The following RANBP2 variants were observed in gnomAD, a reference collection of about 807,000 sequenced individuals.
RANBP2 encodes RAN binding protein 2, also known as E3 SUMO-protein ligase RanBP2.
A neutral mutation model predicts 303.6 loss-of-function variants in RANBP2; 57 were observed. The ratio of observed to expected loss-of-function variants is 0.19; its 90% CI spans 0.15 to 0.23. The LOEUF (loss-of-function observed/expected upper bound fraction) is 0.23, where lower values mean the gene tolerates loss of function less well. RANBP2 is among the 10% of genes least tolerant of loss of function. RANBP2 has a pLI of 1.00. For missense variants in RANBP2, 3,138 were observed against 3,780.8 expected (o/e 0.83, Z 4.46); for synonymous variants, 1,167 against 1,301.5 (o/e 0.90, Z 2.23).
rs1455634297 is a variant in RANBP2 at position 108,766,329 on chromosome 2, G to A, written c.5790G>A (p.Gln1930=). 1.2e-6 allele frequency: 2 copies of A among 1,611,902 alleles called. No homozygotes were observed. Among genetic ancestry groups the A allele is most frequent in the Non-Finnish European group, 1.7e-6 (2 of 1,179,868 alleles). The change falls in exon 20 of 29, where the codon CAG becomes CAA. Residue 1930 remains glutamine, a synonymous_variant. Coordinates refer to ENST00000283195, the MANE Select transcript of RANBP2 (RefSeq NM_006267.5). ...TCCAGGCTCAGGATATTAGTGGCCA[G>A]AAGAATGGCCGTGGTGTGATTTTTG... is the stretch of plus-strand genomic sequence containing the variant. ...TGFQAQDISG[Q]KNGRGVIFGQ...
chr2:109,107,966 C>A, the RANBP2 span, among the ~76,000 whole-genome samples: 1 of 152,122 alleles, frequency 6.6e-6, no homozygotes, highest in African/African-American at 2.4e-5. Flanking sequence ...AGTGCAGTGG[C>A]ATGACCTCCG....
At chr2:108,759,766 T>C (rs1008803809) in intron 18 of RANBP2, among the ~76,000 whole-genome samples, 4 of 152,220 alleles carry the variant, frequency 2.6e-5, no homozygotes, top group African/African-American at 9.6e-5. Context: ...ACAAACCGGC[T>C]AGCCTTTCCT....
the RANBP2 span, among the ~76,000 whole-genome samples, chr2:109,342,007 C>T: frequency 6.6e-6 from 1 of 152,228 alleles, no homozygotes; most frequent in African/African-American, 2.4e-5. Flanking sequence ...GGTGTGTATA[C>T]AATTAGGGTC....
chr2:108,929,976 A>G, the RANBP2 span: 5 of 1,006,760 alleles, frequency 5.0e-6, no homozygotes, highest in Non-Finnish European at 5.7e-6. Flanking sequence ...CTTGCCATCA[A>G]TCTCAACGTC....
chr2:108,831,129 C>G, the RANBP2 span, among the ~76,000 whole-genome samples: 1 of 151,732 alleles, frequency 6.6e-6, no homozygotes, highest in Non-Finnish European at 1.5e-5. Flanking sequence ...GAGCCAAGAT[C>G]ATGCTGCTTA....
the RANBP2 span, chr2:108,856,830 T>C: frequency 1.9e-6 from 3 of 1,613,280 alleles, no homozygotes; most frequent in Admixed American, 1.7e-5. Flanking sequence ...TCTCTTTGTT[T>C]GGACTTGAAG....
the RANBP2 span, among the ~76,000 whole-genome samples, chr2:109,489,328 C>T: frequency 3.3e-5 from 5 of 152,204 alleles, no homozygotes; most frequent in African/African-American, 9.6e-5. Context: ...GCCACAGGCC[C>T]CCAGACCCTG....
the RANBP2 span, among the ~76,000 whole-genome samples, chr2:109,259,844 GT>G: frequency 2.6e-5 from 4 of 152,172 alleles, no homozygotes; most frequent in African/African-American, 7.2e-5. Flanking sequence ...AGCATCTGGT[GT>G]TTGGACAGCC....
the RANBP2 span, among the ~76,000 whole-genome samples, chr2:109,301,749 GC>G: frequency 1.3e-5 from 2 of 152,188 alleles, no homozygotes; most frequent in African/African-American, 4.8e-5. Flanking sequence ...TGCTAAGCTG[GC>G]CTTGCACTTT....
chr2:108,841,580 T>C, the RANBP2 span, among the ~76,000 whole-genome samples: 1 of 152,206 alleles, frequency 6.6e-6, no homozygotes, highest in Non-Finnish European at 1.5e-5. Flanking sequence ...ATTTGATTCA[T>C]GTTCTAAAAA....
At chr2:109,490,608 G>C in the RANBP2 span, 1 of 1,439,306 alleles carries the variant, frequency 6.9e-7, no homozygotes, top group Non-Finnish European at 9.1e-7. Context: ...TCCCCAGAAA[G>C]AGAAGAAGAG....
chr2:108,847,594 T>G, the RANBP2 span, among the ~76,000 whole-genome samples: 1 of 152,234 alleles, frequency 6.6e-6, no homozygotes, highest in African/African-American at 2.4e-5. Context: ...TAATATGTGT[T>G]TAATATTTAG....
chr2:108,883,526 G>T, the RANBP2 span: 2 of 152,140 alleles, frequency 1.3e-5, no homozygotes, highest in Non-Finnish European at 2.9e-5. Flanking sequence ...TCCCAGGGTT[G>T]GCATGTTTGC....
the RANBP2 span, among the ~76,000 whole-genome samples, chr2:109,088,917 A>T: frequency 3.9e-5 from 6 of 152,196 alleles, no homozygotes; most frequent in Non-Finnish European, 7.3e-5. Flanking sequence ...AATAAAAGGG[A>T]GGGAGAGTTG....
the RANBP2 span, among the ~76,000 whole-genome samples, chr2:109,030,231 TCAG>T: frequency 3.3e-5 from 5 of 152,226 alleles, no homozygotes; most frequent in Admixed American, 6.5e-5. Flanking sequence ...GCCAGCTGGC[TCAG>T]CACTCTCCCC....
the RANBP2 span, among the ~76,000 whole-genome samples, chr2:108,852,889 C>T: frequency 1.3e-5 from 2 of 151,994 alleles, no homozygotes; most frequent in African/African-American, 4.8e-5. Context: ...TACCCCTGAA[C>T]TAAAATAAAA....
At chr2:109,428,213 A>G in the RANBP2 span, among the ~76,000 whole-genome samples, 1 of 152,230 alleles carries the variant, frequency 6.6e-6, no homozygotes. Flanking sequence ...GGAATCATTT[A>G]CTTATTTTAG....
the RANBP2 span, among the ~76,000 whole-genome samples, chr2:109,460,390 C>T: frequency 2.6e-5 from 4 of 152,164 alleles, no homozygotes; most frequent in African/African-American, 9.7e-5. Context: ...TGGGGACTCA[C>T]TGTTGTTCTC....
the RANBP2 span, among the ~76,000 whole-genome samples, chr2:109,117,224 C>T: frequency 6.6e-6 from 1 of 152,154 alleles, no homozygotes; most frequent in Non-Finnish European, 1.5e-5. Context: ...TTGTTTGTGC[C>T]CTGCCCCCAG....
Sources: gnomAD v4.1 joint callset for allele counts (sites outside exome capture counted in the v4.1 genomes callset) on GRCh38, gnomAD v4.1.1 for gene constraint, MANE v1.5 for transcripts, NCBI Gene and HGNC (gene_info 2026-07-23, HGNC 2026-07-21) for gene names.